The following KAZN variants were observed in gnomAD, a reference collection of about 807,000 sequenced individuals.
The protein encoded by KAZN is kazrin, periplakin interacting protein, also known as kazrin.
In KAZN, 40 loss-of-function variants were observed where a neutral mutation model predicts 87.4. The ratio of observed to expected loss-of-function variants is 0.46; its 90% CI spans 0.36 to 0.60. KAZN has a LOEUF of 0.60. Ranked by LOEUF, KAZN falls within the 20% of genes least tolerant of loss-of-function variation. The pLI is 0.00. For synonymous variants in KAZN, 466 were observed against 458.3 expected (o/e 1.02, Z -0.22); for missense variants, 898 against 1,073.9 (o/e 0.84, Z 2.29).
chr1:14,153,628 T>A (rs922825864), intron 1 of KAZN, among the ~76,000 whole-genome samples: 1 of 148,940 alleles, frequency 6.7e-6, no homozygotes, highest in African/African-American at 2.5e-5. Context: ...TACAAAAAAA[T>A]TAGCCAGGCA....
intron 1 of KAZN, among the ~76,000 whole-genome samples, chr1:14,034,029 G>A (rs12093311): frequency 0.045 from 6,824 of 152,268 alleles, 541 homozygotes; most frequent in African/African-American, 0.16. Flanking sequence ...GAACAATGTT[G>A]GGCGCAGCAA....
chr1:14,898,354 G>C (rs2101227846), intron 1 of KAZN, among the ~76,000 whole-genome samples: 1 of 152,298 alleles, frequency 6.6e-6, no homozygotes, highest in East Asian at 1.9e-4. Context: ...AGACGGTTCT[G>C]CTCCTCAGAA....
chr1:14,125,154 T>C (rs1002515053), intron 1 of KAZN, among the ~76,000 whole-genome samples: 1 of 152,146 alleles, frequency 6.6e-6, no homozygotes. Flanking sequence ...TAATCCTCTC[T>C]TGTAGAAGGG....
intron 1 of KAZN, among the ~76,000 whole-genome samples, chr1:14,649,465 G>C (rs571206674): frequency 7.2e-5 from 11 of 152,140 alleles, no homozygotes; most frequent in Non-Finnish European, 1.3e-4. Flanking sequence ...AATGGCTAAC[G>C]GTTCACGTTA....
chr1:14,910,182 G>A (rs1248675075), intron 1 of KAZN, among the ~76,000 whole-genome samples: 1 of 152,190 alleles, frequency 6.6e-6, no homozygotes, highest in African/African-American at 2.4e-5. Flanking sequence ...CTGACTGGCT[G>A]CTCTTCTCCC....
intron 1 of KAZN, among the ~76,000 whole-genome samples, chr1:14,712,448 G>T (rs957243662): frequency 6.6e-6 from 1 of 152,184 alleles, no homozygotes; most frequent in Non-Finnish European, 1.5e-5. Context: ...CAACAATGCC[G>T]AAATTACACC....
intron 2 of KAZN, among the ~76,000 whole-genome samples, chr1:15,004,377 G>A (rs1668796478): frequency 6.6e-6 from 1 of 152,204 alleles, no homozygotes; most frequent in African/African-American, 2.4e-5. Flanking sequence ...TATCATTGCA[G>A]AGTGAAAGAA....
chr1:14,865,209 G>A (rs191627085), intron 1 of KAZN, among the ~76,000 whole-genome samples: 1 of 152,260 alleles, frequency 6.6e-6, no homozygotes, highest in Non-Finnish European at 1.5e-5. Flanking sequence ...TTCCCATCTG[G>A]AGGCACCAAG....
intron 1 of KAZN, among the ~76,000 whole-genome samples, chr1:14,639,819 C>T (rs1434671660): frequency 1.3e-5 from 2 of 152,162 alleles, no homozygotes; most frequent in East Asian, 3.9e-4. Flanking sequence ...GGGAGGTGCA[C>T]ACCCGCTGTG....
At chr1:14,921,901 G>A (rs1242911221) in intron 1 of KAZN, among the ~76,000 whole-genome samples, 4 of 152,116 alleles carry the variant, frequency 2.6e-5, no homozygotes, top group East Asian at 1.9e-4. Context: ...TAGTAGAGAC[G>A]GGGTTTCACC....
intron 10 of KAZN, among the ~76,000 whole-genome samples, chr1:15,095,418 C>G (rs923179894): frequency 2.4e-4 from 36 of 152,312 alleles, no homozygotes; most frequent in African/African-American, 8.2e-4. Context: ...GAGGGGGCTT[C>G]TCTTAGCAAG....
intron 2 of KAZN, among the ~76,000 whole-genome samples, chr1:14,407,444 G>C (rs1257453886): frequency 6.6e-6 from 1 of 152,134 alleles, no homozygotes; most frequent in Non-Finnish European, 1.5e-5. Context: ...TGGTAAATGG[G>C]GGGAAAAAGA....
upstream of KAZN, among the ~76,000 whole-genome samples, chr1:14,594,741 C>T (rs1676385515): frequency 6.6e-6 from 1 of 152,174 alleles, no homozygotes; most frequent in Non-Finnish European, 1.5e-5. Context: ...ATCCTTCTCC[C>T]AACAGTTTGC....
intron 2 of KAZN, among the ~76,000 whole-genome samples, chr1:14,559,345 T>A (rs1015253897): frequency 3.9e-5 from 6 of 152,142 alleles, no homozygotes; most frequent in Non-Finnish European, 8.8e-5. Context: ...AGAAAAGAAA[T>A]GCCTAGTTGG....
chr1:14,198,621 A>G (rs570396292), intron 2 of KAZN, among the ~76,000 whole-genome samples: 2 of 152,224 alleles, frequency 1.3e-5, no homozygotes, highest in South Asian at 4.2e-4. Flanking sequence ...AAGAAGAAGA[A>G]ATTGATGGTT....
chr1:13,907,736 T>G (rs1276194881), intron 1 of KAZN, among the ~76,000 whole-genome samples: 1 of 152,214 alleles, frequency 6.6e-6, no homozygotes. Context: ...AAGGCTGAAT[T>G]AGTCTGGCAA....
At chr1:14,041,394 A>G (rs1270872134) in intron 1 of KAZN, among the ~76,000 whole-genome samples, 2 of 152,176 alleles carry the variant, frequency 1.3e-5, no homozygotes, top group African/African-American at 2.4e-5. Flanking sequence ...CAACTTACTT[A>G]TAAAATCTTC....
chr1:14,613,358 C>T (rs1677967946), intron 1 of KAZN, among the ~76,000 whole-genome samples: 1 of 152,204 alleles, frequency 6.6e-6, no homozygotes. Flanking sequence ...GGTGAGCAGG[C>T]ACACAGTATT....
intron 1 of KAZN, among the ~76,000 whole-genome samples, chr1:14,750,981 TG>T (rs1644398703): frequency 1.3e-5 from 2 of 152,160 alleles, no homozygotes; most frequent in Admixed American, 1.3e-4. Context: ...GGGCTCAGAG[TG>T]GGAGATGGAG....
Sources: allele counts gnomAD v4.1 joint callset (sites outside exome capture counted in the v4.1 genomes callset), GRCh38; gene constraint gnomAD v4.1.1; transcripts MANE v1.5; gene names NCBI Gene and HGNC (gene_info 2026-07-23, HGNC 2026-07-21).